The following CALR3 variants were observed in gnomAD, a reference collection of about 807,000 sequenced individuals.
CALR3 encodes calreticulin 3.
Under a neutral mutation model 48.7 loss-of-function variants are expected in CALR3, and 39 were observed. The observed-to-expected ratio is 0.80, with a 90% CI of 0.62 to 1.05. The LOEUF is 1.05. CALR3 is among the 50% of genes least tolerant of loss of function. The pLI, the probability that CALR3 is intolerant of heterozygous loss-of-function variation, is 0.00. For missense variants in CALR3, 449 were observed against 474.7 expected, an observed-to-expected ratio of 0.95 and a Z score of 0.50; for synonymous variants, 185 against 172.7, an observed-to-expected ratio of 1.07 and a Z score of -0.56.
chr19:16,482,628 G>T, intron 6 of CALR3, 47 bp from the exon 7 acceptor site: 1 of 1,614,000 alleles, frequency 6.2e-7, no homozygotes. Context: ...CATGGGCAGC[G>T]GAGGGGCAGC....
chr19:16,495,378 C>CGT, intron 2 of CALR3, among the ~76,000 whole-genome samples: 1 of 151,538 alleles, frequency 6.6e-6, no homozygotes, highest in South Asian at 2.1e-4. Flanking sequence ...GCCTGGCCAA[C>CGT]GTGGACCCTG....
rs751176255 is a variant in CALR3, at chr19:16,495,792, A to C, written c.152T>G (p.Leu51Arg). The C allele has an allele frequency of 6.2e-7, 1 of 1,614,154 alleles. No homozygotes were observed. The highest frequency in any genetic ancestry group is 8.5e-7 in the Non-Finnish European group (1 of 1,180,014). The change falls in exon 2 of 9, where the codon CTT (leucine) becomes CGT (arginine). Residue 51 changes from leucine to arginine, a missense_variant. Leu to Arg is a moderately radical substitution (Grantham distance 102). Transcript: ENST00000269881. ...TNDSRFGHFRLSSGKFYGHKE... is the reference protein window; with the variant it reads ...TNDSRFGHFRRSSGKFYGHKE... ...ATGACCATAAAACTTGCCCGACGAA[A>C]GTCTAAAATGCCCAAATCGGGAGTC...
chr19:16,490,258 C>CA, intron 3 of CALR3, 109 bp downstream of exon 3: 1 of 939,344 alleles, frequency 1.1e-6, no homozygotes, highest in Non-Finnish European at 1.7e-6. Flanking sequence ...CCGATATACT[C>CA]AATACTACTA....
intron 8 of CALR3, among the ~76,000 whole-genome samples, chr19:16,480,389 T>C (rs2093378749): frequency 6.6e-6 from 1 of 151,000 alleles, no homozygotes; most frequent in African/African-American, 2.4e-5. Flanking sequence ...CCCTCTCTAC[T>C]AAAAATACAC....
chr19:16,489,862 A>C (rs930149667), intron 3 of CALR3, among the ~76,000 whole-genome samples: 5 of 150,664 alleles, frequency 3.3e-5, no homozygotes, highest in African/African-American at 9.8e-5. Flanking sequence ...AAAAACAAAC[A>C]AACAAAAAAA....
At chr19:16,489,490 A>G (rs1053096922) in intron 3 of CALR3, among the ~76,000 whole-genome samples, 9 of 152,116 alleles carry the variant, frequency 5.9e-5, no homozygotes, top group African/African-American at 1.4e-4. Context: ...ATGGTGGTGC[A>G]TGCCGGTAAT....
rs571499837 is a variant in CALR3, at chr19:16,494,031, G to T, written c.193+1720C>A. Among the ~76,000 whole-genome samples the T allele has an allele frequency of 2.0e-5, 3 of 151,974 alleles. No homozygotes were observed. In the South Asian group the frequency reaches 6.2e-4, roughly 32 times the overall value. On this transcript the variant is annotated intron_variant, in intron 2 of 8. Transcript: ENST00000269881. ...TGTGTTGTACCCTGAAGAATGTGCAGGCGACAAGATGTAATGTTTATCTCT... is the reference window on the plus strand; with the variant it reads ...TGTGTTGTACCCTGAAGAATGTGCATGCGACAAGATGTAATGTTTATCTCT...
chr19:16,487,603 T>C (rs2093391180), intron 3 of CALR3, among the ~76,000 whole-genome samples: 1 of 151,950 alleles, frequency 6.6e-6, no homozygotes, highest in Non-Finnish European at 1.5e-5. Context: ...GTTTTTTAGT[T>C]CTATTTTTAT....
At chr19:16,494,504 G>C (rs1016847267) in intron 2 of CALR3, among the ~76,000 whole-genome samples, 16 of 152,220 alleles carry the variant, frequency 1.1e-4, no homozygotes, top group African/African-American at 3.4e-4. Flanking sequence ...TGGGACTACA[G>C]GCATGAGCCA....
In CALR3 at chr19:16,483,963, C is replaced by G; in HGVS notation, c.645G>C (p.Lys215Asn). Reference protein sequence around the residue: ...LKKETSPAESKDWEQTKDNKA... With the variant: ...LKKETSPAESNDWEQTKDNKA... ...TGTTGTCTTTAGTCTGTTCCCAATC[C>G]TTCGATTCTGCCGGGGACGTTTCCT... The change falls in exon 5 of 9, where the codon AAG becomes AAC. Residue 215 changes from lysine to asparagine, a missense_variant. Coordinates refer to ENST00000269881, the MANE Select transcript of CALR3 (RefSeq NM_145046.5). 6.2e-7 allele frequency: 1 copy of G among 1,614,000 alleles called. No homozygotes were observed. The highest frequency in any genetic ancestry group is 8.5e-7 in the Non-Finnish European group (1 of 1,180,024).
rs756195821 is a variant in CALR3 at position 16,482,577 on chromosome 19, C to T, written c.791G>A (p.Gly264Asp). 1 of 1,614,086 alleles carries T rather than the reference C, an allele frequency of 6.2e-7. No individual in the cohort carries two copies. The highest frequency in any genetic ancestry group is 8.5e-7 in the Non-Finnish European group (1 of 1,180,054). The change falls in exon 7 of 9, where the codon GGC becomes GAC. Residue 264 changes from glycine to aspartate, a missense_variant. By Grantham distance (94) the Gly-to-Asp change is moderately conservative. Coordinates refer to ENST00000269881, the MANE Select transcript of CALR3 (RefSeq NM_145046.5). The part of the protein sequence containing the change: ...PMLQKPPYQD[G>D]LKPEGIHKDV... ...TTTATGAATACCTTCTGGTTTCAGG[C>T]CATCCTGTATCAAAAAAACCATATG...
At chr19:16,492,502 G>A (rs1363214268) in intron 2 of CALR3, among the ~76,000 whole-genome samples, 8 of 151,986 alleles carry the variant, frequency 5.3e-5, no homozygotes, top group East Asian at 1.9e-4. Context: ...AGGCCGAGGC[G>A]GGCGGATCAC....
chr19:16,492,536 G>C (rs2093399657), intron 2 of CALR3, among the ~76,000 whole-genome samples: 1 of 151,606 alleles, frequency 6.6e-6, no homozygotes, highest in African/African-American at 2.4e-5. Context: ...TTGGAGACCA[G>C]CCTGACCAAC....
intron 7 of CALR3, 33 bp from the exon 8 acceptor site, chr19:16,480,739 C>A: frequency 7.5e-7 from 1 of 1,333,222 alleles, no homozygotes; most frequent in African/African-American, 1.4e-5. Flanking sequence ...CATTATTATG[C>A]TTTTATTCTT....
chr19:16,484,945 A>C (rs1430534608), intron 4 of CALR3, among the ~76,000 whole-genome samples: 1 of 152,184 alleles, frequency 6.6e-6, no homozygotes, highest in Non-Finnish European at 1.5e-5. Flanking sequence ...TCACAGTAAA[A>C]AATGAGAGTG....
intron 2 of CALR3, among the ~76,000 whole-genome samples, chr19:16,494,209 C>T (rs2093402207): frequency 6.6e-6 from 1 of 151,232 alleles, no homozygotes; most frequent in Non-Finnish European, 1.5e-5. Context: ...TATAGTTGTG[C>T]GCCACCACAC....
chr19:16,482,129 C>A lies in CALR3; in HGVS notation c.918+321G>T, dbSNP rs12982918. The stretch of plus-strand genomic sequence containing the variant: ...TTCACCATGTTAGCCAGGATGGTCT[C>A]GATCTCCTGACCTTGTGATCCACCC... On this transcript the variant is annotated intron_variant, in intron 7 of 8. Coordinates refer to ENST00000269881, the MANE Select transcript of CALR3 (RefSeq NM_145046.5). 0.63 allele frequency among the ~76,000 whole-genome samples: 95,293 copies of A among 150,822 alleles called. 30,691 individuals are homozygous for A. Among genetic ancestry groups the A allele is most frequent in the South Asian group, 0.75 (3,570 of 4,778 alleles).
At chr19:16,485,546 C>T (rs943714750) in intron 3 of CALR3, among the ~76,000 whole-genome samples, 1 of 152,238 alleles carries the variant, frequency 6.6e-6, no homozygotes, top group South Asian at 2.1e-4. Context: ...TCTCAAACTC[C>T]TGACCTTGTG....
At chr19:16,493,974 C>T (rs540343675) in intron 2 of CALR3, among the ~76,000 whole-genome samples, 26 of 152,294 alleles carry the variant, frequency 1.7e-4, no homozygotes, top group African/African-American at 6.3e-4. Flanking sequence ...CTTGCCTTAT[C>T]TTGACCTGCC....
Sources: gnomAD v4.1 joint callset for allele counts (sites outside exome capture counted in the v4.1 genomes callset) on GRCh38, gnomAD v4.1.1 for gene constraint, MANE v1.5 for transcripts, NCBI Gene and HGNC (gene_info 2026-07-23, HGNC 2026-07-21) for gene names.